The following SPRY3 variants were observed in gnomAD, a reference collection of about 807,000 sequenced individuals.
The protein encoded by SPRY3 is protein sprouty homolog 3.
Under a neutral mutation model 20.2 loss-of-function variants are expected in SPRY3, and 15 were observed. The ratio of observed to expected loss-of-function variants is 0.74; its 90% CI spans 0.50 to 1.14. SPRY3 has a LOEUF of 1.14. Among genes scored for constraint, SPRY3 ranks in the 50% most tolerant of loss-of-function variants. The pLI, the probability that SPRY3 is intolerant of heterozygous loss-of-function variation, is 0.00. For missense variants in SPRY3, 364 were observed against 363.9 expected (o/e 1.00, Z 0.00); for synonymous variants, 143 against 136.5 (o/e 1.05, Z -0.33).
intron 2 of SPRY3, among the ~76,000 whole-genome samples, chrX:155,733,869 A>G (rs1343074417): frequency 1.3e-5 from 2 of 152,062 alleles, no homozygotes; most frequent in Non-Finnish European, 2.9e-5. Context: ...CTTTCCTTAA[A>G]TCTCATGAAC....
intron 1 of SPRY3, among the ~76,000 whole-genome samples, chrX:155,635,249 G>A (rs944854027): frequency 8.1e-5 from 9 of 111,453 alleles, no homozygotes; most frequent in Admixed American, 3.8e-4. Context: ...GTATTCCATG[G>A]TGTGTATGTG....
At chrX:155,748,357 G>T (rs1386348676) in intron 2 of SPRY3, among the ~76,000 whole-genome samples, 1 of 151,732 alleles carries the variant, frequency 6.6e-6, no homozygotes, top group Non-Finnish European at 1.5e-5. Flanking sequence ...CCCAGAAGTA[G>T]GTGGTATCAA....
chrX:155,736,809 C>T (rs772476035), intron 2 of SPRY3, among the ~76,000 whole-genome samples: 1 of 151,950 alleles, frequency 6.6e-6, no homozygotes, highest in East Asian at 1.9e-4. Context: ...TCTCTTTCTT[C>T]TTCTGGGATT....
At chrX:155,773,306 G>GTATA (rs2091393067) in intron 3 of SPRY3, among the ~76,000 whole-genome samples, 1 of 81,596 alleles carries the variant, frequency 1.2e-5, no homozygotes. Flanking sequence ...AATTTTGATT[G>GTATA]GATATATATA....
intron 2 of SPRY3, among the ~76,000 whole-genome samples, chrX:155,767,227 G>C (rs191514112): frequency 6.6e-6 from 1 of 151,894 alleles, no homozygotes; most frequent in Non-Finnish European, 1.5e-5. Flanking sequence ...GACACGCGGG[G>C]GGAGGGGGGA....
At chrX:155,738,798 T>G (rs1276713394) in intron 2 of SPRY3, among the ~76,000 whole-genome samples, 1 of 152,202 alleles carries the variant, frequency 6.6e-6, no homozygotes, top group East Asian at 1.9e-4. Context: ...GCAAAGTAGC[T>G]GATCAGGCAC....
intron 2 of SPRY3, among the ~76,000 whole-genome samples, chrX:155,745,353 CCATAA>C (rs1209628632): frequency 2.0e-5 from 3 of 151,954 alleles, no homozygotes; most frequent in Non-Finnish European, 4.4e-5. Context: ...ATTGAGGAGC[CCATAA>C]GGCTGGGGCC....
chrX:155,777,725 G>A (rs1186285855), downstream of SPRY3: 2 of 100,882 alleles, frequency 2.0e-5, no homozygotes, highest in African/African-American at 4.5e-5. Context: ...CTGCAGGGAG[G>A]CTCTGTTTTC....
intron 2 of SPRY3, among the ~76,000 whole-genome samples, chrX:155,662,930 T>C (rs2068014818): frequency 9.0e-6 from 1 of 111,719 alleles, no homozygotes; most frequent in Admixed American, 9.5e-5. Flanking sequence ...CCATTTCAGC[T>C]GGCCACTACT....
At chrX:155,760,123 A>C (rs2091298394) in intron 2 of SPRY3, among the ~76,000 whole-genome samples, 2 of 152,228 alleles carry the variant, frequency 1.3e-5, no homozygotes. Flanking sequence ...TTTGATGCAC[A>C]CTGGAATAGA....
At chrX:155,706,788 A>G (rs2090954655) in intron 2 of SPRY3, among the ~76,000 whole-genome samples, 1 of 150,934 alleles carries the variant, frequency 6.6e-6, no homozygotes, top group Non-Finnish European at 1.5e-5. Flanking sequence ...AAACTCATCC[A>G]AGAAGAAATA....
intron 1 of SPRY3, among the ~76,000 whole-genome samples, chrX:155,624,511 A>G (rs1557349755): frequency 3.4e-5 from 3 of 88,380 alleles, no homozygotes. Context: ...TCATCTATTT[A>G]TCTATCATCT....
intron 1 of SPRY3, among the ~76,000 whole-genome samples, chrX:155,621,387 T>A (rs181788726): frequency 2.2e-4 from 25 of 111,510 alleles, no homozygotes; most frequent in African/African-American, 6.5e-4. Context: ...TTTTCCAGTC[T>A]TACTGTTGGT....
At chrX:155,780,372 G>A (rs1050405813), downstream of SPRY3, 1 of 166,960 alleles carries the variant, frequency 6.0e-6, no homozygotes, top group Non-Finnish European at 1.5e-5. Context: ...TTGACCATAT[G>A]TGAACCCTGA....
intron 2 of SPRY3, among the ~76,000 whole-genome samples, chrX:155,709,280 C>G (rs1345668836): frequency 6.6e-6 from 1 of 151,724 alleles, no homozygotes; most frequent in Non-Finnish European, 1.5e-5. Flanking sequence ...AATTTACATT[C>G]CCGCCAACAA....
chrX:155,694,255 TTC>T (rs1258466832), intron 2 of SPRY3, among the ~76,000 whole-genome samples: 4 of 112,418 alleles, frequency 3.6e-5, no homozygotes, highest in African/African-American at 1.3e-4. Context: ...TTATTCAGTT[TTC>T]TCTGTGGCCT....
chrX:155,741,405 C>T (rs1453173200), intron 2 of SPRY3, among the ~76,000 whole-genome samples: 1 of 152,048 alleles, frequency 6.6e-6, no homozygotes, highest in Non-Finnish European at 1.5e-5. Context: ...ATGCGGAGAA[C>T]AGAAACAAGT....
intron 2 of SPRY3, among the ~76,000 whole-genome samples, chrX:155,686,224 T>TG (rs2068087469): frequency 2.7e-5 from 3 of 111,754 alleles, no homozygotes; most frequent in African/African-American, 9.7e-5. Context: ...CATAATACTT[T>TG]CTTTAAAGTT....
chrX:155,696,714 T>G (rs904299504), intron 2 of SPRY3, among the ~76,000 whole-genome samples: 1 of 111,329 alleles, frequency 9.0e-6, no homozygotes, highest in Non-Finnish European at 1.9e-5. Context: ...ACCAGAACCT[T>G]CATTCCAGGG....
Sources: allele counts gnomAD v4.1 joint callset (sites outside exome capture counted in the v4.1 genomes callset), GRCh38; gene constraint gnomAD v4.1.1; transcripts MANE v1.5; gene names NCBI Gene and HGNC (gene_info 2026-07-23, HGNC 2026-07-21).